Variants in LPP observed in about 807,000 individuals in gnomAD.
LPP encodes the protein LIM domain containing preferred translocation partner in lipoma, also known as lipoma-preferred partner.
Under a neutral mutation model 60.4 loss-of-function variants are expected in LPP, and 38 were observed. The observed-to-expected ratio is 0.63, with a 90% CI of 0.49 to 0.83. The LOEUF (loss-of-function observed/expected upper bound fraction) is 0.83, where lower values mean the gene tolerates loss of function less well. LPP is among the 40% of genes least tolerant of loss of function. The probability of loss-of-function intolerance (pLI) is 0.00; values close to 1 mark genes in which losing one functional copy is unlikely to be tolerated. For synonymous variants in LPP, 328 were observed against 290.8 expected (o/e 1.13, Z -1.30); for missense variants, 902 against 783.6 (o/e 1.15, Z -1.80).
chr3:188,629,445 A>G (rs1322504054), intron 7 of LPP, among the ~76,000 whole-genome samples: 1 of 152,110 alleles, frequency 6.6e-6, no homozygotes, highest in African/African-American at 2.4e-5. Flanking sequence ...CTGAGACCCA[A>G]ATCAGGAACA....
intron 3 of LPP, among the ~76,000 whole-genome samples, chr3:188,383,559 A>G (rs1462697360): frequency 4.6e-5 from 7 of 152,200 alleles, no homozygotes; most frequent in Non-Finnish European, 1.0e-4. Context: ...TCTTAATAAT[A>G]TTAAAACAAC....
At chr3:188,172,765 G>A (rs1721946532) in intron 1 of LPP, among the ~76,000 whole-genome samples, 1 of 152,202 alleles carries the variant, frequency 6.6e-6, no homozygotes, top group Non-Finnish European at 1.5e-5. Context: ...AAACTATTTA[G>A]ATTTCACCAG....
At chr3:188,547,888 G>A (rs1560547812) in intron 6 of LPP, among the ~76,000 whole-genome samples, 1 of 152,150 alleles carries the variant, frequency 6.6e-6, no homozygotes, top group Non-Finnish European at 1.5e-5. Context: ...GCGTGGCTGA[G>A]CATCTTCTTG....
intron 4 of LPP, among the ~76,000 whole-genome samples, chr3:188,476,144 T>C (rs1216893783): frequency 6.6e-6 from 1 of 152,206 alleles, no homozygotes; most frequent in South Asian, 2.1e-4. Context: ...CCGTTTGATT[T>C]ACTTTTTAAG....
At chr3:188,402,863 A>G (rs1326116284) in intron 3 of LPP, among the ~76,000 whole-genome samples, 4 of 152,224 alleles carry the variant, frequency 2.6e-5, no homozygotes, top group Non-Finnish European at 5.9e-5. Context: ...TCCTTGGAGA[A>G]GTTAGGGAAA....
intron 1 of LPP, among the ~76,000 whole-genome samples, chr3:188,203,886 T>G (rs1732404235): frequency 6.6e-6 from 1 of 151,752 alleles, no homozygotes; most frequent in Admixed American, 6.6e-5. Context: ...ACTATAAAAT[T>G]TGTAAAATAG....
intron 3 of LPP, among the ~76,000 whole-genome samples, chr3:188,342,563 T>C (rs949395940): frequency 2.6e-5 from 4 of 152,226 alleles, no homozygotes; most frequent in African/African-American, 9.6e-5. Flanking sequence ...AATAGTAACT[T>C]TGTAGAAGAT....
intron 9 of LPP, among the ~76,000 whole-genome samples, chr3:188,808,218 G>A (rs1009620748): frequency 4.6e-5 from 7 of 151,966 alleles, no homozygotes; most frequent in Admixed American, 3.3e-4. Context: ...TTCTTTTTGT[G>A]CCTGTACCAC....
intron 8 of LPP, among the ~76,000 whole-genome samples, chr3:188,727,160 T>G (rs1176113952): frequency 6.6e-6 from 1 of 152,164 alleles, no homozygotes; most frequent in African/African-American, 2.4e-5. Flanking sequence ...ACAGTAACCT[T>G]GAGCAAGTTT....
chr3:188,405,392 T>C (rs1434456603), intron 3 of LPP, among the ~76,000 whole-genome samples: 1 of 152,212 alleles, frequency 6.6e-6, no homozygotes, highest in Admixed American at 6.5e-5. Context: ...GTCTGTGCTT[T>C]GGTTTCAACC....
At chr3:188,840,242 G>C (rs1049042611) in intron 9 of LPP, among the ~76,000 whole-genome samples, 1 of 151,976 alleles carries the variant, frequency 6.6e-6, no homozygotes, top group African/African-American at 2.4e-5. Flanking sequence ...TTGTATCTTT[G>C]TTCCGTTTAG....
At chr3:188,793,334 A>T (rs987324559) in intron 9 of LPP, among the ~76,000 whole-genome samples, 1 of 151,750 alleles carries the variant, frequency 6.6e-6, no homozygotes, top group African/African-American at 2.4e-5. Flanking sequence ...AGCACCCACC[A>T]CCACGCCCAG....
intron 3 of LPP, among the ~76,000 whole-genome samples, chr3:188,375,814 A>G (rs1774890336): frequency 6.6e-6 from 1 of 151,806 alleles, no homozygotes; most frequent in South Asian, 2.1e-4. Context: ...TCAATTTTAG[A>G]TCTTTCCTGC....
chr3:188,219,706 G>A (rs547725909), intron 1 of LPP, among the ~76,000 whole-genome samples: 3 of 152,190 alleles, frequency 2.0e-5, no homozygotes, highest in African/African-American at 4.8e-5. Context: ...CACCAACATC[G>A]GTCCACTGTG....
intron 7 of LPP, among the ~76,000 whole-genome samples, chr3:188,618,723 CTG>C (rs2151518077): frequency 6.6e-6 from 1 of 152,300 alleles, no homozygotes; most frequent in Admixed American, 6.5e-5. Context: ...GGAGCTGAAA[CTG>C]TGCATACCCT....
chr3:188,202,847 G>A (rs2149101848), intron 1 of LPP, among the ~76,000 whole-genome samples: 1 of 152,196 alleles, frequency 6.6e-6, no homozygotes, highest in East Asian at 1.9e-4. Context: ...GGAAAAGGAT[G>A]TGTGGATATA....
intron 2 of LPP, among the ~76,000 whole-genome samples, chr3:188,305,282 C>T (rs891630103): frequency 1.3e-5 from 2 of 152,136 alleles, no homozygotes; most frequent in African/African-American, 4.8e-5. Context: ...TTTTGCAGCC[C>T]TCAAGTCAAC....
chr3:188,157,568 A>C (rs1216844364), intron 1 of LPP, among the ~76,000 whole-genome samples: 1 of 152,074 alleles, frequency 6.6e-6, no homozygotes, highest in Admixed American at 6.5e-5. Context: ...GTAGCAGGTA[A>C]AACCCGGGGT....
intron 1 of LPP, among the ~76,000 whole-genome samples, chr3:188,203,456 TAA>T (rs1211470029): frequency 2.2e-5 from 2 of 91,522 alleles, no homozygotes; most frequent in Non-Finnish European, 3.8e-5. Context: ...TAAATATATA[TAA>T]ATATATATAT....
Sources: allele counts gnomAD v4.1 joint callset (sites outside exome capture counted in the v4.1 genomes callset), GRCh38; gene constraint gnomAD v4.1.1; transcripts MANE v1.5; gene names NCBI Gene and HGNC (gene_info 2026-07-23, HGNC 2026-07-21).